ZFHX3: variants seen among roughly 807,000 people sequenced by gnomAD.
ZFHX3 encodes the protein zinc finger homeobox 3.
A neutral mutation model predicts 279.1 loss-of-function variants in ZFHX3; 42 were observed. The observed-to-expected ratio is 0.15, with a 90% CI of 0.12 to 0.19. ZFHX3 has a LOEUF of 0.19. ZFHX3 is among the 10% of genes least tolerant of loss of function. The pLI is 1.00. For missense variants in ZFHX3, 4,981 were observed against 4,754.0 expected, an observed-to-expected ratio of 1.05 and a Z score of -1.40; for synonymous variants, 2,293 against 1,957.8, an observed-to-expected ratio of 1.17 and a Z score of -4.52.
intron 3 of ZFHX3, among the ~76,000 whole-genome samples, chr16:73,423,341 T>C (rs1208352244): frequency 6.6e-6 from 1 of 152,196 alleles, no homozygotes; most frequent in Non-Finnish European, 1.5e-5. Flanking sequence ...TGTTGGAGTC[T>C]TGGCTGCAGC....
chr16:72,793,642 T>C lies in ZFHX3; in HGVS notation c.9040A>G (p.Ile3014Val), dbSNP rs201585763. 28 of 1,614,082 alleles carry C rather than the reference T, an allele frequency of 1.7e-5. No homozygotes were observed. Among genetic ancestry groups the C allele is most frequent in the African/African-American group, 1.3e-5 (1 of 74,946 alleles). Reference protein sequence around the residue: ...SKLSMAKHFGINQTSYEGPKT... With the variant: ...SKLSMAKHFGVNQTSYEGPKT... ...GGTCCCTCATAACTCGTTTGGTTTA[T>C]ACCAAAATGCTTGGCCATGCTTAAC... Residue 3014 changes from isoleucine to valine, a missense_variant, in exon 9 of 10, where the codon ATA (isoleucine) becomes GTA (valine). By Grantham distance (29) the Ile-to-Val change is conservative. Around this residue, in one of 7 missense-constraint regions of ZFHX3, gnomAD observed 168 missense variants for 249.1 expected, o/e 0.67. Coordinates refer to ENST00000268489, the MANE Select transcript of ZFHX3 (RefSeq NM_006885.4). This position sits in a 1 kb window ranked among gnomAD's most constrained non-coding sequence, Gnocchi z 4.3.
chr16:73,368,572 T>C (rs2016570326), intron 3 of ZFHX3, among the ~76,000 whole-genome samples: 1 of 152,206 alleles, frequency 6.6e-6, no homozygotes, highest in Non-Finnish European at 1.5e-5. Flanking sequence ...AAGATTACAC[T>C]TAGACATAAG....
chr16:73,339,124 T>A (rs955887302), intron 3 of ZFHX3, among the ~76,000 whole-genome samples: 1 of 152,228 alleles, frequency 6.6e-6, no homozygotes, highest in Non-Finnish European at 1.5e-5. Context: ...TTTATAGCAA[T>A]GTGAGAATGG....
intron 5 of ZFHX3, among the ~76,000 whole-genome samples, chr16:73,165,823 T>C (rs1967351210): frequency 6.6e-6 from 1 of 152,140 alleles, no homozygotes; most frequent in Non-Finnish European, 1.5e-5. Context: ...CCTGGGTAAG[T>C]GAACCAGGCA....
intron 1 of ZFHX3, among the ~76,000 whole-genome samples, chr16:73,682,559 G>T (rs989680633): frequency 1.3e-5 from 2 of 152,028 alleles, no homozygotes; most frequent in Admixed American, 6.6e-5. Context: ...GCCGAGGTGG[G>T]TGGATCACCT....
chr16:72,796,377 A>G lies in ZFHX3; in HGVS notation c.6305T>C (p.Met2102Thr), dbSNP rs200140155. ...CAAGGTCTGCAGCGGCATCGTCTGC[A>G]TCATCAGCGGCGAGAAGATGGGCAG... ...MELPIFSPLM[M>T]QTMPLQTLPA... is the part of the protein sequence containing the mutation. The change falls in exon 9 of 10, where the codon ATG becomes ACG. Residue 2102 changes from methionine (M) to threonine (T), a missense_variant. This residue lies in a region of ZFHX3 where 1,751 missense variants were observed against 1,770.0 expected (regional missense o/e 0.99). Coordinates refer to ENST00000268489, the MANE Select transcript of ZFHX3 (RefSeq NM_006885.4). The G allele has an allele frequency of 3.9e-4, 631 of 1,613,654 alleles. 1 individual carries two copies. Among genetic ancestry groups the G allele is most frequent in the Non-Finnish European group, 4.9e-4 (576 of 1,180,026 alleles).
At chr16:73,344,390 A>G (rs2016088366) in intron 3 of ZFHX3, among the ~76,000 whole-genome samples, 1 of 152,236 alleles carries the variant, frequency 6.6e-6, no homozygotes, top group South Asian at 2.1e-4. Context: ...GAATGGGTGA[A>G]GATAAAGAAT....
At chr16:73,820,001 AG>A (rs1425955536) in intron 1 of ZFHX3, among the ~76,000 whole-genome samples, 1 of 152,084 alleles carries the variant, frequency 6.6e-6, no homozygotes, top group African/African-American at 2.4e-5. Flanking sequence ...CTTCATAAGG[AG>A]GTGAGGTTTC....
chr16:73,461,481 T>C (rs1391599169), intron 2 of ZFHX3, among the ~76,000 whole-genome samples: 1 of 152,210 alleles, frequency 6.6e-6, no homozygotes, highest in African/African-American at 2.4e-5. Flanking sequence ...ATCCTGAAGA[T>C]TTTCTCTTCT....
chr16:73,030,094 C>T (rs1964641793), intron 1 of ZFHX3, among the ~76,000 whole-genome samples: 1 of 152,138 alleles, frequency 6.6e-6, no homozygotes, highest in Non-Finnish European at 1.5e-5. Flanking sequence ...AAAGGCTATT[C>T]ACAAATTTTT....
intron 5 of ZFHX3, among the ~76,000 whole-genome samples, chr16:73,160,933 C>G (rs997988440): frequency 3.3e-5 from 5 of 152,026 alleles, no homozygotes; most frequent in Non-Finnish European, 5.9e-5. Context: ...CACAGACACT[C>G]TGGTCTGGCT....
chr16:73,257,263 T>C (rs2013686212), intron 4 of ZFHX3: 1 of 152,260 alleles, frequency 6.6e-6, no homozygotes, highest in Non-Finnish European at 1.5e-5. Flanking sequence ...TGAGGTGTTA[T>C]AAATATGGTC....
intron 5 of ZFHX3, among the ~76,000 whole-genome samples, chr16:73,211,276 G>A (rs1049188430): frequency 6.6e-6 from 1 of 152,148 alleles, no homozygotes; most frequent in South Asian, 2.1e-4. Context: ...GCAAGCTTGA[G>A]CAAAGTGTGG....
At position 73,224,162 on chromosome 16, in the gene ZFHX3, A is replaced by C. The variant is rs1184297206; in HGVS notation, c.-1104+32885T>G. On this transcript the variant is annotated intron_variant, in intron 5 of 17. Coordinates refer to the ZFHX3 transcript ENST00000641206. ...TATACAACACCAAGAGTGAACCCTGATGTGAACTATGGACTTTGGGTGATA... is the reference window on the plus strand; with the variant it reads ...TATACAACACCAAGAGTGAACCCTGCTGTGAACTATGGACTTTGGGTGATA... 3.3e-5 allele frequency among the ~76,000 whole-genome samples: 5 copies of C among 152,178 alleles called. No individual in the cohort carries two copies. The East Asian group carries it at 9.6e-4, about 29-fold the overall frequency.
chr16:73,054,335 G>C (rs562060308), intron 1 of ZFHX3, among the ~76,000 whole-genome samples: 2 of 152,128 alleles, frequency 1.3e-5, no homozygotes, highest in Admixed American at 1.3e-4. Flanking sequence ...TTCCAGGCAG[G>C]CGAGCGCCAC....
chr16:73,557,817 C>T (rs1304491894), intron 2 of ZFHX3, among the ~76,000 whole-genome samples: 2 of 152,164 alleles, frequency 1.3e-5, no homozygotes, highest in Admixed American at 6.5e-5. Flanking sequence ...AGGTCTCAGC[C>T]TCATTTTATC....
chr16:72,910,727 T>C (rs1184216537), intron 3 of ZFHX3, among the ~76,000 whole-genome samples: 1 of 152,172 alleles, frequency 6.6e-6, no homozygotes, highest in Non-Finnish European at 1.5e-5. Flanking sequence ...AAATGCTTAA[T>C]TAATGGTGAA....
At chr16:73,454,986 C>G (rs915386470) in intron 3 of ZFHX3, among the ~76,000 whole-genome samples, 1 of 151,878 alleles carries the variant, frequency 6.6e-6, no homozygotes, top group Admixed American at 6.6e-5. Flanking sequence ...AGAATGAAGA[C>G]CTTTTATGCC....
intron 2 of ZFHX3, chr16:73,554,961 G>A (rs1253240874): frequency 6.6e-6 from 1 of 152,200 alleles, no homozygotes; most frequent in Non-Finnish European, 1.5e-5. Flanking sequence ...CGACTATCAC[G>A]GCCAACTCCA....
Sources: allele counts gnomAD v4.1 joint callset (sites outside exome capture counted in the v4.1 genomes callset), GRCh38; gene constraint gnomAD v4.1.1; regional missense constraint gnomAD v4.1.1; non-coding constraint Gnocchi (gnomAD v3.1); transcripts MANE v1.5; gene names NCBI Gene and HGNC (gene_info 2026-07-23, HGNC 2026-07-21).